BZW2: variants seen among roughly 807,000 people sequenced by gnomAD.
BZW2 encodes eIF5-mimic protein 1.
Under a neutral mutation model 53.2 loss-of-function variants are expected in BZW2, and 23 were observed. The ratio of observed to expected loss-of-function variants is 0.43; its 90% CI spans 0.31 to 0.61. BZW2 has a LOEUF of 0.61. BZW2 is among the 20% of genes least tolerant of loss of function. The pLI is 0.09. For synonymous variants in BZW2, 227 were observed against 186.4 expected, an observed-to-expected ratio of 1.22 and a Z score of -1.77; for missense variants, 409 against 503.1, an observed-to-expected ratio of 0.81 and a Z score of 1.79.
At chr7:16,677,487 G>A (rs1782802142) in intron 3 of BZW2, among the ~76,000 whole-genome samples, 1 of 152,136 alleles carries the variant, frequency 6.6e-6, no homozygotes, top group Non-Finnish European at 1.5e-5. Context: ...GTGTAGTAGG[G>A]GTTGTGTAGT....
intron 3 of BZW2, among the ~76,000 whole-genome samples, chr7:16,678,288 C>T (rs1782829808): frequency 1.3e-5 from 2 of 151,826 alleles, no homozygotes; most frequent in Admixed American, 1.3e-4. Flanking sequence ...AACTCCTGAC[C>T]TCAGGTGATC....
At chr7:16,686,293 A>C in intron 6 of BZW2, 1 of 415,472 alleles carries the variant, frequency 2.4e-6, no homozygotes, top group Non-Finnish European at 4.3e-6. Flanking sequence ...GCAAATTAAA[A>C]TCTCATGGAA....
At chr7:16,679,364 C>T (rs818509) in intron 3 of BZW2, among the ~76,000 whole-genome samples, 4,462 of 152,312 alleles carry the variant, frequency 0.029, 129 homozygotes, top group African/African-American at 0.071. Context: ...CCGGTCCCTC[C>T]GTTCAGGTTC....
chr7:16,702,586 C>A (rs1458360199), intron 10 of BZW2, among the ~76,000 whole-genome samples: 5 of 152,112 alleles, frequency 3.3e-5, no homozygotes, highest in Non-Finnish European at 7.4e-5. Flanking sequence ...CTGACATTGA[C>A]AAGCATTTTA....
chr7:16,660,944 G>A (rs1782243222), intron 1 of BZW2, among the ~76,000 whole-genome samples: 1 of 152,242 alleles, frequency 6.6e-6, no homozygotes, highest in African/African-American at 2.4e-5. Context: ...ATTGTCCATG[G>A]CTGCTTTCAC....
chr7:16,665,457 A>G lies in BZW2; in HGVS notation c.14A>G (p.Gln5Arg). The G allele has an allele frequency of 1.2e-6, 2 of 1,614,184 alleles. No homozygotes were observed. The highest frequency in any genetic ancestry group is 1.7e-6 in the Non-Finnish European group (2 of 1,180,026). MNKH[Q>R]KPVLTGQRFK... Reference sequence around the variant, plus strand: ...TTCAGAAATTTTATGAATAAGCATCAGAAGCCAGTGCTAACAGGCCAGCGG... The same window carrying G: ...TTCAGAAATTTTATGAATAAGCATCGGAAGCCAGTGCTAACAGGCCAGCGG... Residue 5 changes from glutamine (Q) to arginine (R), a missense_variant, in exon 2 of 12, where the codon CAG becomes CGG. Physicochemically the swap from Gln to Arg is conservative, Grantham distance 43. This residue lies in a region of BZW2 where 316 missense variants were observed against 366.8 expected (regional missense o/e 0.86). Transcript: ENST00000258761.
At chr7:16,686,239 A>G in intron 6 of BZW2, 199 bp downstream of exon 6, 1 of 736,858 alleles carries the variant, frequency 1.4e-6, no homozygotes, top group East Asian at 3.0e-5. Flanking sequence ...TTTGAAGGAA[A>G]AAATATGCAC....
intron 1 of BZW2, among the ~76,000 whole-genome samples, chr7:16,659,999 C>T (rs1465838769): frequency 6.6e-5 from 10 of 151,874 alleles, no homozygotes; most frequent in Non-Finnish European, 1.5e-4. Flanking sequence ...ATCCCTTCCC[C>T]CTCCCCCACC....
intron 2 of BZW2, among the ~76,000 whole-genome samples, 164 bp from the exon 3 acceptor site, chr7:16,674,248 A>G (rs1404927251): frequency 6.6e-6 from 1 of 152,030 alleles, no homozygotes; most frequent in East Asian, 1.9e-4. Context: ...CCCCTATGCC[A>G]TCTTTATTTG....
chr7:16,684,509 A>G (rs1044172080), intron 5 of BZW2, among the ~76,000 whole-genome samples: 4 of 152,238 alleles, frequency 2.6e-5, no homozygotes, highest in Non-Finnish European at 5.9e-5. Flanking sequence ...TATGTGATTA[A>G]GTATATTTTA....
At chr7:16,651,341 T>C (rs968468083) in intron 1 of BZW2, among the ~76,000 whole-genome samples, 4 of 152,228 alleles carry the variant, frequency 2.6e-5, no homozygotes, top group Non-Finnish European at 4.4e-5. Flanking sequence ...TAAGGGATAA[T>C]AACGTTTAGC....
intron 6 of BZW2, among the ~76,000 whole-genome samples, chr7:16,688,095 A>G (rs943184894): frequency 2.0e-5 from 3 of 152,048 alleles, no homozygotes; most frequent in South Asian, 2.1e-4. Context: ...GTTGGTGTCT[A>G]TATGAATGAT....
Position 16,697,038 on chromosome 7 carries a change from G to T in BZW2, c.946G>T (p.Glu316Ter). The change falls in exon 9 of 12, where the codon GAG becomes TAG. Residue 316 changes from glutamate to a stop codon, truncating the protein, a stop_gained. Coordinates refer to ENST00000258761, the MANE Select transcript of BZW2 (RefSeq NM_014038.3). LOFTEE classifies it high-confidence loss of function. Reference protein sequence around the residue: ...EWNKKEELVAEQALKHLKQYA... With the variant: ...EWNKKEELVA Reference sequence around the variant, plus strand: ...GAACAAGAAGGAAGAACTTGTTGCAGAGCAGGCTCTGAAGCACCTGAAGGT... The same window carrying T: ...GAACAAGAAGGAAGAACTTGTTGCATAGCAGGCTCTGAAGCACCTGAAGGT... 1 of 1,614,132 alleles carries T rather than the reference G, an allele frequency of 6.2e-7. No homozygotes were observed. The highest frequency in any genetic ancestry group is 1.1e-5 in the South Asian group (1 of 91,080).
At chr7:16,647,586 T>G (rs1016112742) in intron 1 of BZW2, among the ~76,000 whole-genome samples, 1 of 152,236 alleles carries the variant, frequency 6.6e-6, no homozygotes, top group African/African-American at 2.4e-5. Context: ...TGAAAATGGT[T>G]TGAAATTATT....
rs760929671 is a variant in BZW2, at chr7:16,698,042, T to C, written c.970-6T>C. The C allele has an allele frequency of 6.2e-7, 1 of 1,613,898 alleles. No homozygotes were observed. Among genetic ancestry groups the C allele is most frequent in the Non-Finnish European group, 8.5e-7 (1 of 1,179,902 alleles). On this transcript the variant is annotated splice_region_variant and splice_polypyrimidine_tract_variant and intron_variant, in intron 9 of 11. Transcript: ENST00000258761. ...TGACGGCTTTTACTCTCCACTTCTG[T>C]TCTAGCAATATGCTCCCCTGCTGGC...
chr7:16,690,225 CAG>C (rs1317211064), intron 7 of BZW2, among the ~76,000 whole-genome samples: 1 of 149,570 alleles, frequency 6.7e-6, no homozygotes, highest in East Asian at 2.0e-4. Flanking sequence ...TTTTTTGAGA[CAG>C]AGTCTGGCTC....
intron 6 of BZW2, chr7:16,688,630 A>G (rs1159355503): frequency 6.6e-6 from 1 of 152,256 alleles, no homozygotes; most frequent in African/African-American, 2.4e-5. Flanking sequence ...CCACATTATC[A>G]TTAGCTCATA....
chr7:16,677,510 G>A (rs551144137), intron 3 of BZW2, among the ~76,000 whole-genome samples: 40 of 152,272 alleles, frequency 2.6e-4, no homozygotes, highest in African/African-American at 8.2e-4. Context: ...AGATTTCCTC[G>A]GGAGGGGTGC....
At chr7:16,679,708 G>C (rs959176754) in intron 3 of BZW2, among the ~76,000 whole-genome samples, 4 of 152,216 alleles carry the variant, frequency 2.6e-5, no homozygotes, top group African/African-American at 9.6e-5. Context: ...AATGAGTAGA[G>C]AGTGTTTGTC....
Sources: allele counts gnomAD v4.1 joint callset (sites outside exome capture counted in the v4.1 genomes callset), GRCh38; gene constraint gnomAD v4.1.1; regional missense constraint gnomAD v4.1.1; transcripts MANE v1.5; gene names NCBI Gene and HGNC (gene_info 2026-07-23, HGNC 2026-07-21).